Variants in PPIL4 observed in about 807,000 individuals in gnomAD.
PPIL4 encodes peptidyl-prolyl cis-trans isomerase-like 4.
Under a neutral mutation model 69.1 loss-of-function variants are expected in PPIL4, and 50 were observed. The observed-to-expected ratio is 0.72, with a 90% CI of 0.58 to 0.92. The LOEUF is 0.92. Ranked by LOEUF, PPIL4 falls within the 40% of genes least tolerant of loss-of-function variation. The probability of loss-of-function intolerance (pLI) is 0.00; values close to 1 mark genes in which losing one functional copy is unlikely to be tolerated. For missense variants in PPIL4, 480 were observed against 587.9 expected (o/e 0.82, Z 1.90); for synonymous variants, 193 against 191.6 (o/e 1.01, Z -0.06).
At position 149,508,171 on chromosome 6, in the gene PPIL4, C is replaced by T. The variant is rs548672473; in HGVS notation, c.1228-2467G>A. On this transcript the variant is annotated intron_variant, in intron 12 of 12. Transcript: ENST00000253329. ...ACAGGTTGGAGATAATTTAACTTGA[C>T]ATCCAAAATTAAAAAGGGGGGAGTG... 6.6e-5 allele frequency among the ~76,000 whole-genome samples: 10 copies of T among 152,198 alleles called. No individual in the cohort carries two copies. In the East Asian group the frequency reaches 1.9e-3, roughly 29 times the overall value.
chr6:149,534,834 A>ATT (rs1777250630), intron 5 of PPIL4, 60 bp from the exon 6 acceptor site: 1 of 1,003,798 alleles, frequency 1.0e-6, no homozygotes, highest in African/African-American at 1.6e-5. Context: ...ATCCTATTTT[A>ATT]TTTTAATAGA....
chr6:149,528,875 G>A (rs993604271), intron 7 of PPIL4, among the ~76,000 whole-genome samples: 4 of 152,096 alleles, frequency 2.6e-5, no homozygotes, highest in Non-Finnish European at 5.9e-5. Flanking sequence ...CTTTCAACAG[G>A]TAAAAAATAT....
intron 1 of PPIL4, among the ~76,000 whole-genome samples, chr6:149,544,887 T>C (rs1777415614): frequency 6.6e-6 from 1 of 152,196 alleles, no homozygotes. Flanking sequence ...CCTTCTTTGA[T>C]AGGCTCTGCA....
rs140508634 is a variant in PPIL4 at position 149,538,084 on chromosome 6, G to A, written c.322-2346C>T. ...CAGCCTGGCCAACACAGTCAACATG[G>A]TGAAACCCCATTTCTACTATAAATA... On this transcript the variant is annotated intron_variant, in intron 4 of 12. Coordinates refer to ENST00000253329, the MANE Select transcript of PPIL4 (RefSeq NM_139126.4). Among the ~76,000 whole-genome samples the A allele has an allele frequency of 1.1e-3, 164 of 152,014 alleles. 1 individual carries two copies. Among genetic ancestry groups the A allele is most frequent in the Middle Eastern group, 0.01 (3 of 294 alleles).
At chr6:149,539,476 C>G (rs1777327349) in intron 4 of PPIL4, among the ~76,000 whole-genome samples, 2 of 152,130 alleles carry the variant, frequency 1.3e-5, no homozygotes, top group South Asian at 4.1e-4. Context: ...CTCCTGGGCT[C>G]TAGTGATCCT....
At chr6:149,534,804 T>C (rs369782322) in intron 5 of PPIL4, 30 bp from the exon 6 acceptor site, 8 of 1,209,824 alleles carry the variant, frequency 6.6e-6, no homozygotes, top group Admixed American at 4.4e-5. Context: ...TCAAATGTTA[T>C]ACATTGAAGT....
intron 10 of PPIL4, among the ~76,000 whole-genome samples, chr6:149,519,193 CA>C (rs975878472): frequency 6.6e-6 from 1 of 152,146 alleles, no homozygotes; most frequent in Non-Finnish European, 1.5e-5. Flanking sequence ...GGGTAAAAAA[CA>C]AACCAAATGT....
intron 12 of PPIL4, 134 bp downstream of exon 12, chr6:149,512,021 C>T (rs1776851345): frequency 3.3e-6 from 2 of 606,848 alleles, no homozygotes; most frequent in Non-Finnish European, 5.5e-6. Context: ...CCAGTGCAAC[C>T]ATTCTGCTTC....
intron 5 of PPIL4, among the ~76,000 whole-genome samples, chr6:149,535,148 AGATCGT>A (rs1340560808): frequency 1.3e-5 from 2 of 152,154 alleles, no homozygotes; most frequent in African/African-American, 4.8e-5. Context: ...TGAGGTCAGG[AGATCGT>A]GACCATCCTG....
At chr6:149,527,793 C>T (rs1777130107) in intron 7 of PPIL4, among the ~76,000 whole-genome samples, 1 of 152,206 alleles carries the variant, frequency 6.6e-6, no homozygotes, top group African/African-American at 2.4e-5. Flanking sequence ...TACATTCAAA[C>T]ACTCTTTCAG....
chr6:149,511,287 G>A (rs1193852721), intron 12 of PPIL4, among the ~76,000 whole-genome samples: 1 of 151,872 alleles, frequency 6.6e-6, no homozygotes, highest in Non-Finnish European at 1.5e-5. Context: ...CAGGCTGGAG[G>A]GCAGTGGCAT....
In PPIL4 at chr6:149,505,369, C is replaced by G. The variant is rs545991228; in HGVS notation, c.*84G>C. The G allele has an allele frequency of 3.4e-3, 4,499 of 1,331,742 alleles. 12 individuals are homozygous for G. The highest frequency in any genetic ancestry group is 4.0e-3 in the Non-Finnish European group (3,834 of 967,490). The allele number at this position is 1,331,742 out of a possible 1,614,324, so 82.5% of individuals were successfully genotyped here. A position where few individuals can be genotyped will look rare whatever the true frequency, so the allele number is the denominator to read the frequency against. On this transcript the variant is annotated 3_prime_UTR_variant, in exon 13 of 13. Coordinates refer to ENST00000253329, the MANE Select transcript of PPIL4 (RefSeq NM_139126.4). ...ATGAAAAAAATAACAAGCTTTGACA[C>G]AAAATCTAAGCATCTGCTTTCCTGG...
chr6:149,515,456 G>A (rs910970139), intron 11 of PPIL4, among the ~76,000 whole-genome samples: 3 of 151,960 alleles, frequency 2.0e-5, no homozygotes, highest in Non-Finnish European at 2.9e-5. Context: ...CAGTGTTGAG[G>A]GTATTCTCTA....
intron 7 of PPIL4, among the ~76,000 whole-genome samples, chr6:149,531,870 A>C (rs1365135593): frequency 6.6e-6 from 1 of 152,022 alleles, no homozygotes; most frequent in African/African-American, 2.4e-5. Context: ...GAGTTTCACC[A>C]TGTTGGCCAG....
rs548902265 is a variant in PPIL4 at position 149,534,330 on chromosome 6, A to G, written c.561+348T>C. On this transcript the variant is annotated intron_variant, in intron 6 of 12. Coordinates refer to ENST00000253329, the MANE Select transcript of PPIL4 (RefSeq NM_139126.4). ...GGAACAGTCTGCGCTGTTTCACAGAAATTTCTGGGTTCTAGCCTGGCTCCA... is the reference window on the plus strand; with the variant it reads ...GGAACAGTCTGCGCTGTTTCACAGAGATTTCTGGGTTCTAGCCTGGCTCCA... Among the ~76,000 whole-genome samples the G allele has an allele frequency of 2.2e-4, 33 of 152,296 alleles. No individual in the cohort carries two copies. The South Asian group carries it at 6.8e-3, about 32-fold the overall frequency.
At chr6:149,513,486 GAAC>G (rs1776893564) in intron 11 of PPIL4, among the ~76,000 whole-genome samples, 1 of 123,468 alleles carries the variant, frequency 8.1e-6, no homozygotes, top group South Asian at 2.6e-4. Flanking sequence ...AGCAAAGTAG[GAAC>G]AACAAAATAT....
chr6:149,531,006 T>C (rs542375144), intron 7 of PPIL4, among the ~76,000 whole-genome samples: 5 of 152,294 alleles, frequency 3.3e-5, no homozygotes, highest in Admixed American at 2.6e-4. Flanking sequence ...TCACGTACTA[T>C]TTCGGCTGTG....
chr6:149,543,541 T>C (rs1777394738), intron 1 of PPIL4, among the ~76,000 whole-genome samples: 1 of 152,216 alleles, frequency 6.6e-6, no homozygotes, highest in Admixed American at 6.5e-5. Context: ...AAATTATTGC[T>C]AGTTTTTTCA....
At position 149,521,150 on chromosome 6, in the gene PPIL4, A is replaced by C. The variant is rs199588408; in HGVS notation, c.892T>G (p.Phe298Val). 1 of 1,582,904 alleles carries C rather than the reference A, an allele frequency of 6.3e-7. No individual in the cohort carries two copies. The highest frequency in any genetic ancestry group is 1.4e-5 in the African/African-American group (1 of 74,072). ...FEKEEDCEKA[F>V]FKMDNVLIDD... ...ATAAGCACATTGTCCATTTTGAAGA[A>C]TGCTTTCTCACAATCTTCTTCCTGA... Residue 298 changes from phenylalanine (F) to valine (V), a missense_variant, in exon 10 of 13, where the codon TTC (phenylalanine) becomes GTC (valine). Coordinates refer to ENST00000253329, the MANE Select transcript of PPIL4 (RefSeq NM_139126.4).
Sources: gnomAD v4.1 joint callset for allele counts (sites outside exome capture counted in the v4.1 genomes callset) on GRCh38, gnomAD v4.1.1 for gene constraint, MANE v1.5 for transcripts, NCBI Gene and HGNC (gene_info 2026-07-23, HGNC 2026-07-21) for gene names.